The following IL3RA variants were observed in gnomAD, a reference collection of about 807,000 sequenced individuals.
IL3RA encodes the protein interleukin 3 receptor subunit alpha.
A neutral mutation model predicts 52.3 loss-of-function variants in IL3RA; 73 were observed. The ratio of observed to expected loss-of-function variants is 1.40; its 90% CI spans 1.16 to 1.70. IL3RA has a LOEUF of 1.70. IL3RA is among the 40% of genes most tolerant of loss of function. The pLI, the probability that IL3RA is intolerant of heterozygous loss-of-function variation, is 0.00. For synonymous variants in IL3RA, 260 were observed against 194.0 expected, an observed-to-expected ratio of 1.34 and a Z score of -2.83; for missense variants, 664 against 504.4, an observed-to-expected ratio of 1.32 and a Z score of -3.03.
chrX:1,342,946 G>T (rs1256667545), intron 2 of IL3RA, among the ~76,000 whole-genome samples: 1 of 151,688 alleles, frequency 6.6e-6, no homozygotes, highest in Non-Finnish European at 1.5e-5. Context: ...GTGGTGGCGG[G>T]CGCCTGTAAT....
intron 2 of IL3RA, among the ~76,000 whole-genome samples, chrX:1,343,121 C>T (rs1461411588): frequency 6.6e-6 from 1 of 151,582 alleles, no homozygotes; most frequent in Non-Finnish European, 1.5e-5. Context: ...ATTTTTTTCC[C>T]CAGACAGTTT....
At chrX:1,382,360 C>A (rs367949193) in intron 11 of IL3RA, 31 bp from the exon 12 acceptor site, 2 of 1,597,100 alleles carry the variant, frequency 1.3e-6, no homozygotes, top group East Asian at 2.2e-5. Flanking sequence ...GGGGGGTGGC[C>A]GACTCACCCT....
In IL3RA at chrX:1,348,507, A is replaced by G; in HGVS notation, c.260A>G (p.Asn87Ser). The G allele has an allele frequency of 3.1e-6, 5 of 1,613,762 alleles. No homozygotes were observed. Among genetic ancestry groups the G allele is most frequent in the Non-Finnish European group, 4.2e-6 (5 of 1,179,754 alleles). Residue 87 changes from asparagine to serine, a missense_variant, in exon 4 of 12, where the codon AAC becomes AGC. Physicochemically the swap from Asn to Ser is conservative, Grantham distance 46 (BLOSUM62 1). Coordinates refer to ENST00000331035, the MANE Select transcript of IL3RA (RefSeq NM_002183.4). The part of the protein sequence containing the change: ...EVTNYTVRVA[N>S]PPFSTWILFP... ...ACCAACTACACCGTCCGAGTGGCCAACCCACCATTCTCCACGTGGATCCTC... is the reference window on the plus strand; with the variant it reads ...ACCAACTACACCGTCCGAGTGGCCAGCCCACCATTCTCCACGTGGATCCTC...
chrX:1,360,493 T>C (rs1259289941), intron 8 of IL3RA, among the ~76,000 whole-genome samples: 4 of 151,914 alleles, frequency 2.6e-5, no homozygotes, highest in Non-Finnish European at 5.9e-5. Flanking sequence ...TGTATCTCTG[T>C]ATCTCTCTCC....
intron 10 of IL3RA, among the ~76,000 whole-genome samples, chrX:1,380,462 A>AGGAGGGGGGG: frequency 7.3e-4 from 1 of 1,370 alleles, no homozygotes; most frequent in Non-Finnish European, 1.5e-3. Context: ...AGGAGGGGGG[A>AGGAGGGGGGG]AGGGAGGAGG....
chrX:1,364,646 T>G (rs1244814075), intron 8 of IL3RA, among the ~76,000 whole-genome samples: 2 of 130,282 alleles, frequency 1.5e-5, no homozygotes, highest in Non-Finnish European at 3.1e-5. Flanking sequence ...ATTTTTACAG[T>G]TTTTTTTTTT....
chrX:1,343,778 T>A lies in IL3RA; in HGVS notation c.65-1538T>A, dbSNP rs1486245663. On this transcript the variant is annotated intron_variant, in intron 2 of 11. Transcript: ENST00000331035. Reference sequence around the variant, plus strand: ...GAGACCTTCTTTTTCTTTCTTTCTTTTTTTTTTTTTTGAGACGGAGTTTTT... The same window carrying A: ...GAGACCTTCTTTTTCTTTCTTTCTTATTTTTTTTTTTGAGACGGAGTTTTT... Among the ~76,000 whole-genome samples, 4 of 145,528 alleles carry A rather than the reference T, an allele frequency of 2.7e-5. No individual in the cohort carries two copies. The South Asian group carries it at 6.4e-4, about 23-fold the overall frequency.
intron 4 of IL3RA, 149 bp downstream of exon 4, chrX:1,348,694 T>TCTTTC (rs1569520729): frequency 1.1e-5 from 3 of 271,288 alleles, no homozygotes; most frequent in African/African-American, 1.1e-4. Context: ...TTCTTTCTTT[T>TCTTTC]TCTTTCTTTC....
intron 4 of IL3RA, 122 bp downstream of exon 4, chrX:1,348,667 TTTC>T (rs1424865952): frequency 2.2e-5 from 10 of 455,078 alleles, no homozygotes; most frequent in African/African-American, 2.0e-4. Flanking sequence ...TCTTTCTTTC[TTTC>T]TTTCTTTCTT....
At chrX:1,378,525 T>C in intron 9 of IL3RA, 134 bp from the exon 10 acceptor site, 1 of 722,940 alleles carries the variant, frequency 1.4e-6, no homozygotes. Flanking sequence ...GTGGCACTAC[T>C]GGGGTGTCCC....
chrX:1,337,279 T>C (rs1217692173), intron 1 of IL3RA, among the ~76,000 whole-genome samples: 1 of 152,118 alleles, frequency 6.6e-6, no homozygotes, highest in African/African-American at 2.4e-5. Flanking sequence ...ATGGCTAGAG[T>C]TCTCTGTTTA....
intron 6 of IL3RA, among the ~76,000 whole-genome samples, chrX:1,355,675 A>T (rs2086656022): frequency 6.6e-6 from 1 of 151,834 alleles, no homozygotes; most frequent in Non-Finnish European, 1.5e-5. Flanking sequence ...GGAGGTGAGA[A>T]GCCAGGCAGG....
chrX:1,365,180 T>A lies in IL3RA; in HGVS notation c.802T>A (p.Tyr268Asn), dbSNP rs745497553. ...TSFQLLNPGT[Y>N]TVQIRARERV... is the part of the protein sequence containing the mutation. ...CTTCCAGCTACTCAATCCTGGAACG[T>A]ACACAGTACAAATAAGAGCCCGGGA... The change falls in exon 9 of 12, where the codon TAC (tyrosine) becomes AAC (asparagine). Residue 268 changes from tyrosine (Y) to asparagine (N), a missense_variant. Physicochemically the swap from Tyr to Asn is moderately radical, Grantham distance 143 (BLOSUM62 -2). Coordinates refer to ENST00000331035, the MANE Select transcript of IL3RA (RefSeq NM_002183.4). 6.2e-7 allele frequency: 1 copy of A among 1,611,134 alleles called. No homozygotes were observed. Among genetic ancestry groups the A allele is most frequent in the Non-Finnish European group, 8.5e-7 (1 of 1,178,906 alleles).
intron 3 of IL3RA, among the ~76,000 whole-genome samples, chrX:1,346,267 C>T (rs1414643020): frequency 6.6e-6 from 1 of 151,672 alleles, no homozygotes; most frequent in African/African-American, 2.4e-5. Context: ...GGTGAAACCC[C>T]GCCTCCACTA....
intron 4 of IL3RA, among the ~76,000 whole-genome samples, chrX:1,349,714 G>C (rs1297557933): frequency 1.3e-5 from 2 of 151,958 alleles, no homozygotes; most frequent in Non-Finnish European, 2.9e-5. Flanking sequence ...CCAGGCTGGA[G>C]TGCAGTGGTG....
At position 1,352,313 on chromosome X, in the gene IL3RA, T is replaced by G; in HGVS notation, c.432-9T>G. On this transcript the variant is annotated splice_polypyrimidine_tract_variant and intron_variant, in intron 5 of 11. Coordinates refer to ENST00000331035, the MANE Select transcript of IL3RA (RefSeq NM_002183.4). ...TGGGGTCGTCCCCCAACCTTACCGCTTACCGCAGCAGGCGTCAACAGTACG... is the reference window on the plus strand; with the variant it reads ...TGGGGTCGTCCCCCAACCTTACCGCGTACCGCAGCAGGCGTCAACAGTACG... 6.2e-7 allele frequency: 1 copy of G among 1,613,648 alleles called. No individual in the cohort carries two copies. The highest frequency in any genetic ancestry group is 8.5e-7 in the Non-Finnish European group (1 of 1,179,724).
At chrX:1,340,416 G>A (rs1433015983) in intron 1 of IL3RA, among the ~76,000 whole-genome samples, 15 of 151,922 alleles carry the variant, frequency 9.9e-5, no homozygotes, top group Non-Finnish European at 1.6e-4. Context: ...GCACCCAGCC[G>A]GCAGGGCTTC....
At chrX:1,358,799 G>T in intron 7 of IL3RA, 62 bp from the exon 8 acceptor site, 1 of 1,592,026 alleles carries the variant, frequency 6.3e-7, no homozygotes, top group Non-Finnish European at 8.6e-7. Context: ...TTTGAGTTTG[G>T]GAGGAGGAGG....
In IL3RA at chrX:1,382,581, G is replaced by A; in HGVS notation, c.*116G>A. 5.4e-6 allele frequency: 5 copies of A among 919,416 alleles called. No individual in the cohort carries two copies. Among genetic ancestry groups the A allele is most frequent in the South Asian group, 1.3e-5 (1 of 75,236 alleles). The allele number at this position is 919,416 out of a possible 1,614,324, so 57.0% of individuals were successfully genotyped here. ...GCCCAGGAATGGACATTCCTAACGG[G>A]TGGTGGGCATGGGAGATGCCTGTGT... On this transcript the variant is annotated 3_prime_UTR_variant, in exon 12 of 12. Coordinates refer to ENST00000331035, the MANE Select transcript of IL3RA (RefSeq NM_002183.4).
Sources: gnomAD v4.1 joint callset for allele counts (sites outside exome capture counted in the v4.1 genomes callset) on GRCh38, gnomAD v4.1.1 for gene constraint, MANE v1.5 for transcripts, NCBI Gene and HGNC (gene_info 2026-07-23, HGNC 2026-07-21) for gene names.